The following B3GALT1 variants were observed in gnomAD, a reference collection of about 807,000 sequenced individuals.
B3GALT1 encodes the protein beta-1,3-galactosyltransferase 1, also known as UDP-Gal:betaGlcNAc beta 1,3-galactosyltransferase, polypeptide 1.
B3GALT1 carries 10 observed loss-of-function variants against 23.2 expected under a neutral mutation model. The ratio of observed to expected loss-of-function variants is 0.43; its 90% CI spans 0.27 to 0.73. B3GALT1 has a LOEUF of 0.73. Among genes scored for constraint, B3GALT1 ranks in the 30% least tolerant of loss-of-function variants. The pLI is 0.21. For missense variants in B3GALT1, 299 were observed against 405.4 expected (o/e 0.74, Z 2.25); for synonymous variants, 156 against 141.5 (o/e 1.10, Z -0.73).
intron 3 of B3GALT1, among the ~76,000 whole-genome samples, chr2:167,794,463 A>G (rs1688505829): frequency 1.3e-5 from 2 of 152,234 alleles, no homozygotes; most frequent in African/African-American, 2.4e-5. Flanking sequence ...TCGTATAACA[A>G]TAACCAGAGC....
At chr2:167,294,424 G>C (rs1329675020) in intron 1 of B3GALT1, among the ~76,000 whole-genome samples, 1 of 152,202 alleles carries the variant, frequency 6.6e-6, no homozygotes, top group African/African-American at 2.4e-5. Flanking sequence ...TTCCACCCGT[G>C]CTGCAAAGCC....
chr2:167,312,864 T>C lies in B3GALT1; in HGVS notation c.-511+19530T>C, dbSNP rs189217608. Among the ~76,000 whole-genome samples, 12 of 152,184 alleles carry C rather than the reference T, an allele frequency of 7.9e-5. No individual in the cohort carries two copies. The East Asian group carries it at 2.3e-3, about 29-fold the overall frequency. ...CACCATAAATCAGGAAGAAATGTCATGGTACTGTTACAATTTTTTAAATTA... is the reference window on the plus strand; with the variant it reads ...CACCATAAATCAGGAAGAAATGTCACGGTACTGTTACAATTTTTTAAATTA... On this transcript the variant is annotated intron_variant, in intron 1 of 4. Transcript: ENST00000392690.
At chr2:167,754,351 G>A (rs1687782672) in intron 3 of B3GALT1, among the ~76,000 whole-genome samples, 1 of 152,142 alleles carries the variant, frequency 6.6e-6, no homozygotes, top group Non-Finnish European at 1.5e-5. Flanking sequence ...GACTCACCTG[G>A]GGAGTTTATT....
At chr2:167,592,010 T>C (rs1434195472) in intron 2 of B3GALT1, among the ~76,000 whole-genome samples, 3 of 152,102 alleles carry the variant, frequency 2.0e-5, no homozygotes, top group Non-Finnish European at 4.4e-5. Context: ...GGGTAAGGTG[T>C]AGGGTTTGAG....
intron 4 of B3GALT1, among the ~76,000 whole-genome samples, chr2:167,856,683 A>G (rs909234136): frequency 6.6e-6 from 1 of 152,198 alleles, no homozygotes; most frequent in Non-Finnish European, 1.5e-5. Flanking sequence ...TGCTTTACTG[A>G]GAATAGCATC....
At chr2:167,705,417 A>T (rs1035233318) in intron 3 of B3GALT1, among the ~76,000 whole-genome samples, 3 of 152,226 alleles carry the variant, frequency 2.0e-5, no homozygotes, top group African/African-American at 7.2e-5. Flanking sequence ...GGCAGACTTA[A>T]TCAATGACAA....
intron 2 of B3GALT1, among the ~76,000 whole-genome samples, chr2:167,564,791 A>C (rs1684121980): frequency 6.6e-6 from 1 of 152,224 alleles, no homozygotes; most frequent in Non-Finnish European, 1.5e-5. Flanking sequence ...TAGGAATCCC[A>C]CTTACAAGGG....
chr2:167,447,820 G>A (rs1011283271), intron 1 of B3GALT1, among the ~76,000 whole-genome samples: 6 of 152,040 alleles, frequency 3.9e-5, no homozygotes, highest in African/African-American at 1.2e-4. Context: ...TGGGTGAGGC[G>A]ATGCCTCACC....
At chr2:167,545,980 G>T (rs962771896) in intron 2 of B3GALT1, among the ~76,000 whole-genome samples, 2 of 152,108 alleles carry the variant, frequency 1.3e-5, no homozygotes, top group East Asian at 1.9e-4. Context: ...TAGGCTGAAG[G>T]TACTTTTATA....
At chr2:167,383,692 A>G (rs1050237997) in intron 1 of B3GALT1, among the ~76,000 whole-genome samples, 1 of 152,226 alleles carries the variant, frequency 6.6e-6, no homozygotes, top group African/African-American at 2.4e-5. Context: ...TTTTTTAAGC[A>G]AATGCATGAG....
intron 1 of B3GALT1, among the ~76,000 whole-genome samples, chr2:167,406,922 G>A (rs567523962): frequency 2.0e-4 from 30 of 152,214 alleles, no homozygotes; most frequent in Admixed American, 2.0e-3. Flanking sequence ...AGGTGAAACT[G>A]GGCTTATAGT....
intron 3 of B3GALT1, among the ~76,000 whole-genome samples, chr2:167,704,183 C>CAA (rs5836157): frequency 0.29 from 32,781 of 112,674 alleles, 5,837 homozygotes; most frequent in Non-Finnish European, 0.36. Context: ...TCAGTCTCAA[C>CAA]AAAAAAAAAA....
chr2:167,769,607 C>G (rs4667974), intron 3 of B3GALT1, among the ~76,000 whole-genome samples: 1 of 152,050 alleles, frequency 6.6e-6, no homozygotes, highest in Non-Finnish European at 1.5e-5. Flanking sequence ...CAGAACTAGT[C>G]TCTGTTCCTA....
chr2:167,775,252 C>T (rs1434375144), intron 3 of B3GALT1, among the ~76,000 whole-genome samples: 4 of 152,114 alleles, frequency 2.6e-5, no homozygotes, highest in Admixed American at 1.3e-4. Context: ...GCATATATTT[C>T]ATGCAATAAA....
chr2:167,833,306 C>T (rs543002595), intron 4 of B3GALT1, among the ~76,000 whole-genome samples: 3 of 152,244 alleles, frequency 2.0e-5, no homozygotes, highest in African/African-American at 4.8e-5. Flanking sequence ...GCCCACAGCT[C>T]GGAGGCTTAG....
intron 2 of B3GALT1, among the ~76,000 whole-genome samples, chr2:167,586,422 C>T (rs1298024060): frequency 6.6e-6 from 1 of 152,186 alleles, no homozygotes; most frequent in South Asian, 2.1e-4. Flanking sequence ...GCCTCAGCCT[C>T]CCGAGTAGCC....
chr2:167,841,158 TA>T (rs1689640954), intron 4 of B3GALT1, among the ~76,000 whole-genome samples: 1 of 148,762 alleles, frequency 6.7e-6, no homozygotes. Context: ...ACATGTACCC[TA>T]AAACTTAAAG....
chr2:167,593,028 A>G (rs541401125), intron 2 of B3GALT1, among the ~76,000 whole-genome samples: 2 of 152,336 alleles, frequency 1.3e-5, no homozygotes, highest in Admixed American at 6.5e-5. Flanking sequence ...TGTGAACAAG[A>G]TACAGATAGT....
chr2:167,756,833 C>T (rs919324075), intron 3 of B3GALT1, among the ~76,000 whole-genome samples: 1 of 152,190 alleles, frequency 6.6e-6, no homozygotes, highest in Non-Finnish European at 1.5e-5. Flanking sequence ...GAAGGACTGG[C>T]CCATTTACTG....
Sources: gnomAD v4.1 joint callset for allele counts (sites outside exome capture counted in the v4.1 genomes callset) on GRCh38, gnomAD v4.1.1 for gene constraint, MANE v1.5 for transcripts, NCBI Gene and HGNC (gene_info 2026-07-23, HGNC 2026-07-21) for gene names.